Variants in ADAMTS12 observed in about 807,000 individuals in gnomAD.
ADAMTS12 encodes ADAM metallopeptidase with thrombospondin type 1 motif 12, also known as A disintegrin and metalloproteinase with thrombospondin motifs 12.
A neutral mutation model predicts 167.8 loss-of-function variants in ADAMTS12; 118 were observed. The observed-to-expected ratio is 0.70, with a 90% confidence interval of 0.61 to 0.82. ADAMTS12 has a LOEUF of 0.82. ADAMTS12 is among the 40% of genes least tolerant of loss of function. The pLI is 0.00. For synonymous variants in ADAMTS12, 704 were observed against 716.9 expected, an observed-to-expected ratio of 0.98 and a Z score of 0.29; for missense variants, 1,916 against 1,998.8, an observed-to-expected ratio of 0.96 and a Z score of 0.79.
chr5:33,625,215 T>C (rs535237574), intron 13 of ADAMTS12, among the ~76,000 whole-genome samples: 24 of 152,306 alleles, frequency 1.6e-4, no homozygotes, highest in African/African-American at 5.8e-4. Context: ...AGCTTCATTC[T>C]TTAGGTTAAC....
chr5:33,707,198 C>T (rs528679033), intron 3 of ADAMTS12, among the ~76,000 whole-genome samples: 4 of 152,242 alleles, frequency 2.6e-5, no homozygotes, highest in South Asian at 2.1e-4. Flanking sequence ...AACCCTCATT[C>T]GCAACTGCTA....
intron 23 of ADAMTS12, among the ~76,000 whole-genome samples, chr5:33,532,011 G>T (rs1301107404): frequency 6.6e-6 from 1 of 152,218 alleles, no homozygotes; most frequent in Admixed American, 6.5e-5. Flanking sequence ...GTGAAACAAT[G>T]AAGGCTTGTT....
chr5:33,844,102 C>T (rs1579984771), intron 2 of ADAMTS12, among the ~76,000 whole-genome samples: 2 of 152,282 alleles, frequency 1.3e-5, no homozygotes, highest in African/African-American at 4.8e-5. Flanking sequence ...ATTTCCTATG[C>T]CTGTCTTTAA....
chr5:33,870,880 C>T lies in ADAMTS12; in HGVS notation c.489+10239G>A, dbSNP rs140940130. ...CCTCCTTCCTCTTTGCCTTCTGTCA[C>T]GATTGTAAGTTTTCTGAGGTATCCT... On this transcript the variant is annotated intron_variant, in intron 2 of 23. Coordinates refer to ENST00000504830, the MANE Select transcript of ADAMTS12 (RefSeq NM_030955.4). Among the ~76,000 whole-genome samples, 10 of 152,282 alleles carry T rather than the reference C, an allele frequency of 6.6e-5. No individual in the cohort carries two copies. In the East Asian group the frequency reaches 1.2e-3, roughly 18 times the overall value.
chr5:33,712,426 G>T (rs1743434992), intron 3 of ADAMTS12, among the ~76,000 whole-genome samples: 1 of 152,120 alleles, frequency 6.6e-6, no homozygotes, highest in Admixed American at 6.6e-5. Flanking sequence ...GAGAAGAACT[G>T]CATAGATAGG....
intron 6 of ADAMTS12, 105 bp downstream of exon 6, chr5:33,661,811 G>A: frequency 6.7e-7 from 1 of 1,492,886 alleles, no homozygotes; most frequent in South Asian, 1.2e-5. Context: ...TACAAGAGCA[G>A]CAAAGAATAG....
At chr5:33,663,152 G>A (rs1741322880) in intron 5 of ADAMTS12, among the ~76,000 whole-genome samples, 2 of 152,244 alleles carry the variant, frequency 1.3e-5, no homozygotes, top group Admixed American at 6.5e-5. Flanking sequence ...CTCATCACGT[G>A]CTAAAAGTCA....
At chr5:33,589,423 C>T (rs1456929209) in intron 17 of ADAMTS12, among the ~76,000 whole-genome samples, 1 of 151,894 alleles carries the variant, frequency 6.6e-6, no homozygotes, top group Non-Finnish European at 1.5e-5. Flanking sequence ...TTATTTTTTT[C>T]CCTATCTCCT....
intron 5 of ADAMTS12, among the ~76,000 whole-genome samples, chr5:33,681,796 T>G (rs925888701): frequency 4.6e-5 from 7 of 151,930 alleles, no homozygotes; most frequent in Non-Finnish European, 7.4e-5. Context: ...GAACCACAAG[T>G]GCATAGACAG....
intron 2 of ADAMTS12, among the ~76,000 whole-genome samples, chr5:33,797,802 A>G (rs1746838938): frequency 6.6e-6 from 1 of 152,224 alleles, no homozygotes; most frequent in Non-Finnish European, 1.5e-5. Flanking sequence ...TGGAACCTGA[A>G]TGAGTACTAA....
At chr5:33,680,414 T>A (rs1048340577) in intron 5 of ADAMTS12, among the ~76,000 whole-genome samples, 2 of 152,148 alleles carry the variant, frequency 1.3e-5, no homozygotes, top group African/African-American at 4.8e-5. Context: ...GTGGTGCTGC[T>A]GGGACTACAG....
Position 33,637,722 on chromosome 5 carries a change from G to A in ADAMTS12, c.1743C>T (p.Cys581=). ...AGCGATAGCGTTTTCTTTCTCCAGT[G>A]CAATATTTCCCTCCAAACTTTGGCC... The part of the protein sequence containing the change: ...NPEPKFGGKY[C]TGERKRYRLC... The change falls in exon 12 of 24, where the codon TGC becomes TGT. Residue 581 remains cysteine, a synonymous_variant. Coordinates refer to ENST00000504830, the MANE Select transcript of ADAMTS12 (RefSeq NM_030955.4). 6.2e-7 allele frequency: 1 copy of A among 1,613,218 alleles called. No homozygotes were observed. The highest frequency in any genetic ancestry group is 8.5e-7 in the Non-Finnish European group (1 of 1,179,446).
intron 17 of ADAMTS12, among the ~76,000 whole-genome samples, chr5:33,589,595 T>A (rs2112013117): frequency 6.6e-6 from 1 of 152,324 alleles, no homozygotes; most frequent in Admixed American, 6.5e-5. Context: ...CTCTTGTCCA[T>A]CTTCTCCATT....
intron 2 of ADAMTS12, among the ~76,000 whole-genome samples, chr5:33,762,850 G>A (rs1745405432): frequency 1.3e-5 from 2 of 152,166 alleles, no homozygotes; most frequent in Admixed American, 6.5e-5. Flanking sequence ...AAGAGAGGAC[G>A]GGAGCTGAAG....
chr5:33,873,042 C>A (rs548754295), intron 2 of ADAMTS12, among the ~76,000 whole-genome samples: 5 of 152,184 alleles, frequency 3.3e-5, no homozygotes, highest in African/African-American at 1.2e-4. Flanking sequence ...TTCACCACTC[C>A]TTTTTGACAC....
intron 2 of ADAMTS12, among the ~76,000 whole-genome samples, chr5:33,802,508 A>G (rs1000793378): frequency 6.6e-6 from 1 of 152,246 alleles, no homozygotes; most frequent in Non-Finnish European, 1.5e-5. Flanking sequence ...CTATGGTAAC[A>G]GCAACATGCA....
Position 33,615,979 on chromosome 5 carries a change from T to C in ADAMTS12, c.2237A>G (p.Glu746Gly). 2 of 1,614,180 alleles carry C rather than the reference T, an allele frequency of 1.2e-6. No homozygotes were observed. Among genetic ancestry groups the C allele is most frequent in the Non-Finnish European group, 1.7e-6 (2 of 1,180,010 alleles). Residue 746 changes from glutamate to glycine, a missense_variant, in exon 15 of 24, where the codon GAA (glutamate) becomes GGA (glycine). Physicochemically the swap from Glu to Gly is moderately conservative, Grantham distance 98. Transcript: ENST00000504830. ...ATTCAGGTAATATTTTTCAGGATCT[T>C]CACTCCTGATGGCCAGGAAGTTTCC... ...GAGNFLAIRS[E>G]DPEKYYLNGG... is the part of the protein sequence containing the mutation.
At chr5:33,711,291 T>G (rs10054073) in intron 3 of ADAMTS12, among the ~76,000 whole-genome samples, 130,846 of 152,118 alleles carry the variant, frequency 0.86, 56,556 homozygotes, top group Non-Finnish European at 0.89. Context: ...CTCTGTTACT[T>G]ATTTCTCTCA....
chr5:33,537,088 T>C (rs1221205065), intron 22 of ADAMTS12, among the ~76,000 whole-genome samples: 1 of 152,232 alleles, frequency 6.6e-6, no homozygotes, highest in African/African-American at 2.4e-5. Flanking sequence ...ATGTTAATAA[T>C]GAATTTTGTG....
Sources: allele counts gnomAD v4.1 joint callset (sites outside exome capture counted in the v4.1 genomes callset), GRCh38; gene constraint gnomAD v4.1.1; transcripts MANE v1.5; gene names NCBI Gene and HGNC (gene_info 2026-07-23, HGNC 2026-07-21).